The following EMB variants were observed in gnomAD, a reference collection of about 807,000 sequenced individuals.
EMB encodes the protein embigin.
Under a neutral mutation model 41.4 loss-of-function variants are expected in EMB, and 31 were observed. The ratio of observed to expected loss-of-function variants is 0.75; its 90% confidence interval spans 0.56 to 1.01. The LOEUF is 1.01. EMB is among the 50% of genes least tolerant of loss of function. The probability of loss-of-function intolerance (pLI) is 0.00; values close to 1 mark genes in which losing one functional copy is unlikely to be tolerated. For synonymous variants in EMB, 137 were observed against 140.4 expected, an observed-to-expected ratio of 0.98 and a Z score of 0.17; for missense variants, 379 against 388.3, an observed-to-expected ratio of 0.98 and a Z score of 0.20.
intron 1 of EMB, among the ~76,000 whole-genome samples, chr5:50,438,009 G>A (rs551384692): frequency 3.9e-4 from 59 of 151,980 alleles, no homozygotes; most frequent in Non-Finnish European, 7.4e-4. Context: ...TTTATTCCAG[G>A]ACTCAAACTG....
intron 2 of EMB, among the ~76,000 whole-genome samples, chr5:50,419,339 G>A (rs1019491827): frequency 6.6e-6 from 1 of 151,874 alleles, no homozygotes; most frequent in African/African-American, 2.4e-5. Flanking sequence ...CATTTATTTT[G>A]AACCATTTTG....
chr5:50,428,218 A>T lies in EMB; in HGVS notation c.122T>A (p.Phe41Tyr). The T allele has an allele frequency of 6.2e-7, 1 of 1,610,572 alleles. No individual in the cohort carries two copies. The highest frequency in any genetic ancestry group is 8.5e-7 in the Non-Finnish European group (1 of 1,177,038). ...TTCTTCTCTGAGAGGTGGACTTGTA[A>T]AAGGCGAATCTATAAGAGAAAGAAC... ...SADGSAPDSP[F>Y]TSPPLREEIM... The change falls in exon 2 of 9, where the codon TTT (phenylalanine) becomes TAT (tyrosine). Residue 41 changes from phenylalanine (F) to tyrosine (Y), a missense_variant. Phe to Tyr is a conservative substitution (Grantham distance 22). Coordinates refer to ENST00000303221, the MANE Select transcript of EMB (RefSeq NM_198449.3).
chr5:50,419,591 T>C (rs1745484254), intron 2 of EMB, among the ~76,000 whole-genome samples: 1 of 137,170 alleles, frequency 7.3e-6, no homozygotes, highest in African/African-American at 2.7e-5. Flanking sequence ...ATAAAACTGA[T>C]AAAAAGTGTT....
intron 1 of EMB, among the ~76,000 whole-genome samples, chr5:50,436,141 T>G (rs1227010169): frequency 6.6e-6 from 1 of 152,192 alleles, no homozygotes; most frequent in Non-Finnish European, 1.5e-5. Flanking sequence ...CACATATTCA[T>G]ATACACATAC....
At chr5:50,440,176 C>T (rs1745874417) in intron 1 of EMB, among the ~76,000 whole-genome samples, 1 of 152,082 alleles carries the variant, frequency 6.6e-6, no homozygotes, top group Admixed American at 6.6e-5. Flanking sequence ...ACACGTTATC[C>T]TGTAAGTTGT....
intron 4 of EMB, among the ~76,000 whole-genome samples, chr5:50,407,960 A>G (rs561003740): frequency 2.0e-4 from 31 of 152,134 alleles, no homozygotes; most frequent in African/African-American, 7.0e-4. Context: ...CCTAAATGTC[A>G]TATTGGTTCA....
intron 2 of EMB, among the ~76,000 whole-genome samples, chr5:50,415,955 T>C (rs1471184580): frequency 6.6e-6 from 1 of 152,228 alleles, no homozygotes; most frequent in Admixed American, 6.5e-5. Flanking sequence ...AACATAGTTT[T>C]ACATAACTTA....
chr5:50,403,715 C>T (rs1273658107), intron 5 of EMB, among the ~76,000 whole-genome samples: 1 of 151,846 alleles, frequency 6.6e-6, no homozygotes, highest in Non-Finnish European at 1.5e-5. Flanking sequence ...GCAAATAGGT[C>T]ATCATGAATA....
rs771659149 is a variant in EMB, at chr5:50,403,150, AAC to A, written c.877+26_877+27del. On this transcript the variant is annotated intron_variant, in intron 6 of 8. Coordinates refer to ENST00000303221, the MANE Select transcript of EMB (RefSeq NM_198449.3). ...TTAACTGATAATACTTTCTAAAAAA[AAC>A]AAAAAACAAAAAAAAGAAATCCCAC... 285 of 1,538,322 alleles carry A rather than the reference AAC, an allele frequency of 1.9e-4. 6 individuals are homozygous for A. The highest frequency in any genetic ancestry group is 4.5e-4 in the South Asian group (36 of 80,418).
intron 1 of EMB, among the ~76,000 whole-genome samples, chr5:50,439,485 TA>T (rs1458795101): frequency 3.4e-5 from 4 of 117,382 alleles, no homozygotes; most frequent in East Asian, 2.4e-4. Flanking sequence ...ACCGCACTTT[TA>T]ATTTTTTTTT....
intron 2 of EMB, among the ~76,000 whole-genome samples, chr5:50,416,710 A>G (rs141308851): frequency 3.9e-5 from 6 of 152,260 alleles, no homozygotes; most frequent in African/African-American, 1.2e-4. Flanking sequence ...CATTATTCAT[A>G]ATGAGGTAGG....
chr5:50,442,637 C>G (rs141595702), upstream of EMB, among the ~76,000 whole-genome samples: 3 of 152,138 alleles, frequency 2.0e-5, no homozygotes, highest in East Asian at 1.9e-4. Flanking sequence ...TTAAAAGATG[C>G]CTTCAAGGAC....
chr5:50,440,222 T>TC (rs1256903667), intron 1 of EMB, among the ~76,000 whole-genome samples: 2 of 152,100 alleles, frequency 1.3e-5, no homozygotes, highest in Non-Finnish European at 2.9e-5. Context: ...TGATGTTTTT[T>TC]CCCCTACTCA....
intron 7 of EMB, among the ~76,000 whole-genome samples, chr5:50,401,762 A>G (rs892098202): frequency 2.0e-5 from 3 of 151,990 alleles, no homozygotes; most frequent in African/African-American, 7.2e-5. Flanking sequence ...CAACAGACAG[A>G]GGATCAAAAC....
At chr5:50,428,458 C>T (rs1371703887) in intron 1 of EMB, 1 of 1,154,710 alleles carries the variant, frequency 8.7e-7, no homozygotes, top group East Asian at 4.2e-5. Context: ...TACTGACTTA[C>T]ATCAGATGGC....
intron 4 of EMB, among the ~76,000 whole-genome samples, chr5:50,408,295 T>C (rs1295205959): frequency 1.3e-5 from 2 of 151,984 alleles, no homozygotes; most frequent in Admixed American, 1.3e-4. Flanking sequence ...ACTCAGAATA[T>C]TTGATCCACT....
chr5:50,420,665 A>G (rs968133475), intron 2 of EMB, among the ~76,000 whole-genome samples: 4 of 152,190 alleles, frequency 2.6e-5, no homozygotes, highest in Non-Finnish European at 5.9e-5. Context: ...ACTGTATGAC[A>G]TCGGGGGAGG....
intron 2 of EMB, among the ~76,000 whole-genome samples, chr5:50,424,871 CA>C (rs768783028): frequency 6.6e-6 from 1 of 151,622 alleles, no homozygotes; most frequent in African/African-American, 2.4e-5. Context: ...TAAACAAAAA[CA>C]AAAAAAACTG....
intron 2 of EMB, among the ~76,000 whole-genome samples, chr5:50,415,061 A>G (rs13159506): frequency 0.51 from 77,045 of 151,932 alleles, 20,490 homozygotes; most frequent in African/African-American, 0.67. Flanking sequence ...ATATCCCATG[A>G]GAACTTCAAA....
Sources: allele counts gnomAD v4.1 joint callset (sites outside exome capture counted in the v4.1 genomes callset), GRCh38; gene constraint gnomAD v4.1.1; transcripts MANE v1.5; gene names NCBI Gene and HGNC (gene_info 2026-07-23, HGNC 2026-07-21).